Variants in MINDY4 observed in about 807,000 individuals in gnomAD.
MINDY4 encodes probable ubiquitin carboxyl-terminal hydrolase MINDY-4.
MINDY4 carries 68 observed loss-of-function variants against 87.0 expected under a neutral mutation model. The observed-to-expected ratio is 0.78, with a 90% confidence interval of 0.64 to 0.96. MINDY4 has a LOEUF of 0.96. Ranked by LOEUF, MINDY4 falls within the 40% of genes least tolerant of loss-of-function variation. MINDY4 has a pLI of 0.00. For synonymous variants in MINDY4, 379 were observed against 363.2 expected (o/e 1.04, Z -0.50); for missense variants, 919 against 928.2 (o/e 0.99, Z 0.13).
chr7:30,838,154 G>A (rs1302202681), intron 7 of MINDY4, among the ~76,000 whole-genome samples: 1 of 152,184 alleles, frequency 6.6e-6, no homozygotes, highest in African/African-American at 2.4e-5. Flanking sequence ...CATGAGGGGA[G>A]TGGGCGGGGA....
At chr7:30,822,106 T>G (rs1788350010) in intron 5 of MINDY4, among the ~76,000 whole-genome samples, 1 of 152,160 alleles carries the variant, frequency 6.6e-6, no homozygotes, top group Non-Finnish European at 1.5e-5. Context: ...TATTTCAGCA[T>G]GCGTCTCCTA....
At chr7:30,877,697 T>C (rs111899618) in intron 15 of MINDY4, among the ~76,000 whole-genome samples, 17 of 148,038 alleles carry the variant, frequency 1.1e-4, no homozygotes, top group East Asian at 4.0e-4. Context: ...TTTTTTTTTT[T>C]TTGAGACAAG....
At chr7:30,801,080 A>C (rs903624877) in intron 5 of MINDY4, among the ~76,000 whole-genome samples, 2 of 152,080 alleles carry the variant, frequency 1.3e-5, no homozygotes, top group Non-Finnish European at 2.9e-5. Flanking sequence ...CCAGATCTGG[A>C]GTGAAAGCCA....
intron 15 of MINDY4, among the ~76,000 whole-genome samples, chr7:30,877,822 C>CTTTTTTTTTTTTT (rs60164229): frequency 2.1e-5 from 1 of 47,542 alleles, no homozygotes; most frequent in African/African-American, 6.7e-5. Flanking sequence ...CAGGGACATG[C>CTTTTTTTTTTTTT]TTTTTTTTTT....
At chr7:30,805,426 G>T (rs572972934) in intron 5 of MINDY4, among the ~76,000 whole-genome samples, 1 of 152,352 alleles carries the variant, frequency 6.6e-6, no homozygotes, top group South Asian at 2.1e-4. Flanking sequence ...CCCAGGGAAT[G>T]TTGGGAGGAG....
chr7:30,882,299 T>C lies in MINDY4; in HGVS notation c.2090T>C (p.Leu697Pro). 3 of 1,613,800 alleles carry C rather than the reference T, an allele frequency of 1.9e-6. No homozygotes were observed. Among genetic ancestry groups the C allele is most frequent in the Non-Finnish European group, 2.5e-6 (3 of 1,179,834 alleles). ...CTGCGTGACTGGAGGACTGAGAGGC[T>C]CTTTGACTTGTACTACTACGATGGC... is the stretch of plus-strand genomic sequence containing the variant. ...GLLRDWRTER[L>P]FDLYYYDGLA... The change falls in exon 16 of 18, where the codon CTC becomes CCC. Residue 697 changes from leucine (L) to proline (P), a missense_variant. Coordinates refer to ENST00000265299, the MANE Select transcript of MINDY4 (RefSeq NM_032222.3).
rs185098754 is a variant in MINDY4, at chr7:30,870,913, C to T, written c.1746-1330C>T. ...ACAGTGCTGGGTGGCTGTGTGTGCCCCCCCAGGGCCATGTGTGCCCCCCAG... is the reference window on the plus strand; with the variant it reads ...ACAGTGCTGGGTGGCTGTGTGTGCCTCCCCAGGGCCATGTGTGCCCCCCAG... On this transcript the variant is annotated intron_variant, in intron 13 of 17. Coordinates refer to ENST00000265299, the MANE Select transcript of MINDY4 (RefSeq NM_032222.3). Among the ~76,000 whole-genome samples the T allele has an allele frequency of 1.5e-3, 221 of 152,108 alleles. 2 individuals are homozygous for T. Among genetic ancestry groups the T allele is most frequent in the African/African-American group, 5.0e-3 (207 of 41,494 alleles).
chr7:30,869,360 T>C (rs1790033243), intron 13 of MINDY4, among the ~76,000 whole-genome samples: 1 of 152,204 alleles, frequency 6.6e-6, no homozygotes, highest in African/African-American at 2.4e-5. Flanking sequence ...TTTCATGTAA[T>C]GGGCTTCTGC....
At chr7:30,801,650 A>G (rs113317979) in intron 5 of MINDY4, among the ~76,000 whole-genome samples, 3,144 of 152,232 alleles carry the variant, frequency 0.021, 44 homozygotes, top group Non-Finnish European at 0.032. Context: ...GCTCCAGTGC[A>G]TGTTACAGGC....
chr7:30,885,741 G>T (rs2128582847), intron 17 of MINDY4, among the ~76,000 whole-genome samples: 1 of 149,622 alleles, frequency 6.7e-6, no homozygotes, highest in Admixed American at 6.6e-5. Flanking sequence ...GTGAGAGTTG[G>T]GTATCAAGTG....
At chr7:30,847,676 A>G (rs1171327099) in intron 9 of MINDY4, among the ~76,000 whole-genome samples, 1 of 152,156 alleles carries the variant, frequency 6.6e-6, no homozygotes. Context: ...AGTTTATAAC[A>G]GTGTCTGGCA....
At chr7:30,796,827 C>T (rs950305137) in intron 5 of MINDY4, 1 of 150,390 alleles carries the variant, frequency 6.6e-6, no homozygotes, top group Non-Finnish European at 1.5e-5. Flanking sequence ...ATGTCTTGCT[C>T]TTCATGTTAC....
intron 6 of MINDY4, among the ~76,000 whole-genome samples, chr7:30,834,113 TGCC>T (rs1788789149): frequency 6.6e-6 from 1 of 152,220 alleles, no homozygotes; most frequent in Non-Finnish European, 1.5e-5. Context: ...CACTAGGTGG[TGCC>T]CCCGTAGGGA....
intron 13 of MINDY4, among the ~76,000 whole-genome samples, chr7:30,870,199 G>A (rs1234538680): frequency 6.6e-6 from 1 of 152,132 alleles, no homozygotes; most frequent in East Asian, 1.9e-4. Context: ...CCCAGCTGAC[G>A]CAGGCTCTCG....
At chr7:30,860,275 C>G (rs1372697562) in intron 13 of MINDY4, among the ~76,000 whole-genome samples, 2 of 152,116 alleles carry the variant, frequency 1.3e-5, no homozygotes, top group African/African-American at 2.4e-5. Flanking sequence ...TCGGCGCCCT[C>G]CCTGTTTCCA....
At chr7:30,870,932 C>CT (rs1790084550) in intron 13 of MINDY4, among the ~76,000 whole-genome samples, 1 of 151,812 alleles carries the variant, frequency 6.6e-6, no homozygotes, top group Non-Finnish European at 1.5e-5. Context: ...CCATGTGTGC[C>CT]CCCCAGGGTC....
At chr7:30,844,082 T>C (rs1789127450) in intron 9 of MINDY4, among the ~76,000 whole-genome samples, 1 of 152,076 alleles carries the variant, frequency 6.6e-6, no homozygotes, top group Non-Finnish European at 1.5e-5. Context: ...GGGTGCTGCT[T>C]GTAGCCCACC....
In MINDY4 at chr7:30,850,499, G is replaced by A. The variant is rs376757314; in HGVS notation, c.1491G>A (p.Leu497=). ...SDAHRTRCLV[L]ALADIVWRAG... ...CCCACCGGACCCGCTGCCTCGTCCT[G>A]GCCCTCGCAGACATTGTGTGGCGGG... Residue 497 remains leucine (L), a synonymous_variant, in exon 10 of 18, where the codon CTG becomes CTA. Coordinates refer to ENST00000265299, the MANE Select transcript of MINDY4 (RefSeq NM_032222.3). The A allele has an allele frequency of 1.6e-5, 25 of 1,612,528 alleles. No individual in the cohort carries two copies. The highest frequency in any genetic ancestry group is 5.0e-5 in the Admixed American group (3 of 59,914).
At chr7:30,867,677 T>A (rs1254635392) in intron 13 of MINDY4, among the ~76,000 whole-genome samples, 2 of 152,214 alleles carry the variant, frequency 1.3e-5, no homozygotes, top group African/African-American at 4.8e-5. Context: ...AAAGGGCTGT[T>A]ATCTCTGGAG....
Sources: allele counts gnomAD v4.1 joint callset (sites outside exome capture counted in the v4.1 genomes callset), GRCh38; gene constraint gnomAD v4.1.1; transcripts MANE v1.5; gene names NCBI Gene and HGNC (gene_info 2026-07-23, HGNC 2026-07-21).